PTPRD: variants seen among roughly 807,000 people sequenced by gnomAD.
The protein encoded by PTPRD is protein tyrosine phosphatase receptor type D.
PTPRD carries 34 observed loss-of-function variants against 214.5 expected under a neutral mutation model. The observed-to-expected ratio is 0.16, with a 90% CI of 0.12 to 0.21. The LOEUF is 0.21. Ranked by LOEUF, PTPRD falls within the 10% of genes least tolerant of loss-of-function variation. The probability of loss-of-function intolerance (pLI) is 1.00; values close to 1 mark genes in which losing one functional copy is unlikely to be tolerated. For missense variants in PTPRD, 2,545 were observed against 2,398.7 expected (o/e 1.06, Z -1.27); for synonymous variants, 1,128 against 845.7 (o/e 1.33, Z -5.79).
intron 7 of PTPRD, among the ~76,000 whole-genome samples, chr9:9,598,411 T>C (rs1039892659): frequency 2.6e-5 from 4 of 152,068 alleles, no homozygotes; most frequent in African/African-American, 7.2e-5. Flanking sequence ...CCTGAGCTCA[T>C]TATTCTTGGA....
At chr9:9,650,257 C>T (rs185418230) in intron 7 of PTPRD, among the ~76,000 whole-genome samples, 2 of 152,304 alleles carry the variant, frequency 1.3e-5, no homozygotes, top group African/African-American at 2.4e-5. Context: ...TTCCTGAGGC[C>T]TCCCCAGCCA....
At chr9:9,065,102 T>C (rs928763182) in intron 10 of PTPRD, among the ~76,000 whole-genome samples, 3 of 152,118 alleles carry the variant, frequency 2.0e-5, no homozygotes, top group Non-Finnish European at 4.4e-5. Context: ...AATATATACA[T>C]TTGACAAAAA....
chr9:9,632,707 G>A (rs1310996805), intron 7 of PTPRD, among the ~76,000 whole-genome samples: 1 of 151,814 alleles, frequency 6.6e-6, no homozygotes, highest in Non-Finnish European at 1.5e-5. Flanking sequence ...CTGACCTCAA[G>A]AATTTTACCA....
chr9:8,737,949 CTCTG>C (rs1417361797), intron 11 of PTPRD, among the ~76,000 whole-genome samples: 1 of 151,744 alleles, frequency 6.6e-6, no homozygotes, highest in Non-Finnish European at 1.5e-5. Flanking sequence ...GCACCCGGCT[CTCTG>C]TCTTTCATCA....
chr9:9,427,369 A>G (rs1239520937), intron 8 of PTPRD, among the ~76,000 whole-genome samples: 1 of 152,238 alleles, frequency 6.6e-6, no homozygotes, highest in Non-Finnish European at 1.5e-5. Context: ...GAGAAAAAAG[A>G]GTAAAAAGAA....
intron 21 of PTPRD, among the ~76,000 whole-genome samples, chr9:8,514,659 G>A (rs755283448): frequency 9.2e-5 from 14 of 151,988 alleles, no homozygotes; most frequent in Admixed American, 4.6e-4. Flanking sequence ...AAACAATTGC[G>A]TTTTTCTCTC....
intron 17 of PTPRD, among the ~76,000 whole-genome samples, chr9:8,525,729 C>T (rs1197346575): frequency 6.6e-6 from 1 of 151,966 alleles, no homozygotes; most frequent in Non-Finnish European, 1.5e-5. Context: ...CAAGGAAGAG[C>T]CAACCAACCA....
intron 11 of PTPRD, chr9:8,796,985 A>T (rs2096447010): frequency 6.6e-6 from 1 of 152,038 alleles, no homozygotes; most frequent in African/African-American, 2.4e-5. Context: ...AATTTTCTGT[A>T]ATCTCTTAGC....
At chr9:9,571,062 G>C (rs1013542528) in intron 8 of PTPRD, among the ~76,000 whole-genome samples, 2 of 151,368 alleles carry the variant, frequency 1.3e-5, no homozygotes, top group Admixed American at 6.6e-5. Context: ...TAAGGACCCA[G>C]AGATGAAAAA....
intron 10 of PTPRD, among the ~76,000 whole-genome samples, chr9:9,105,504 A>T (rs917202623): frequency 3.3e-5 from 5 of 152,194 alleles, no homozygotes; most frequent in African/African-American, 1.2e-4. Flanking sequence ...TCTGAAGTAA[A>T]AACACAACTA....
intron 11 of PTPRD, among the ~76,000 whole-genome samples, chr9:8,948,906 G>T (rs1165499217): frequency 6.6e-6 from 1 of 151,670 alleles, no homozygotes. Flanking sequence ...TTTTTTCTCA[G>T]TCTGAACACG....
intron 11 of PTPRD, among the ~76,000 whole-genome samples, chr9:8,833,422 T>A (rs180903422): frequency 6.6e-6 from 1 of 152,208 alleles, no homozygotes; most frequent in African/African-American, 2.4e-5. Context: ...AATGGTAACA[T>A]TTAATTATCT....
chr9:9,962,588 C>G (rs562507537), intron 4 of PTPRD, among the ~76,000 whole-genome samples: 2 of 152,138 alleles, frequency 1.3e-5, no homozygotes, highest in South Asian at 4.2e-4. Flanking sequence ...TTTTTTTCTA[C>G]AACTGCCAAC....
At chr9:9,794,151 A>G (rs1286642403) in intron 5 of PTPRD, among the ~76,000 whole-genome samples, 2 of 92,840 alleles carry the variant, frequency 2.2e-5, no homozygotes, top group East Asian at 4.8e-4. Context: ...GAATGTATAT[A>G]TGTACATGTA....
chr9:9,085,975 T>A, intron 10 of PTPRD, among the ~76,000 whole-genome samples: 1 of 152,138 alleles, frequency 6.6e-6, no homozygotes, highest in African/African-American at 2.4e-5. Context: ...GTGAAAACAT[T>A]TTGGGCTAGC....
rs138833992 is a variant in PTPRD, at chr9:9,136,913, G to C, written c.-143+46391C>G. On this transcript the variant is annotated intron_variant, in intron 10 of 45. Transcript: ENST00000381196. The stretch of plus-strand genomic sequence containing the variant: ...TATTTGGGATTGCCTTCAACTGGTA[G>C]GGGATTTACTCTGTGCCTGGCTTGC... Among the ~76,000 whole-genome samples, 847 of 152,270 alleles carry C rather than the reference G, an allele frequency of 5.6e-3. 9 individuals carry two copies. Among genetic ancestry groups the C allele is most frequent in the African/African-American group, 0.018 (765 of 41,568 alleles).
At chr9:9,911,859 A>C (rs187460149) in intron 5 of PTPRD, among the ~76,000 whole-genome samples, 9 of 152,264 alleles carry the variant, frequency 5.9e-5, no homozygotes, top group African/African-American at 2.2e-4. Context: ...CCACATTTGG[A>C]AAACTAAATC....
intron 7 of PTPRD, among the ~76,000 whole-genome samples, chr9:9,697,223 A>ACAG (rs2097395035): frequency 6.6e-6 from 1 of 152,110 alleles, no homozygotes; most frequent in South Asian, 2.1e-4. Flanking sequence ...AATCACAATT[A>ACAG]CAGTGTTAGA....
chr9:8,466,398 C>T lies in PTPRD; in HGVS notation c.3505-723G>A, dbSNP rs574016591. Among the ~76,000 whole-genome samples the T allele has an allele frequency of 1.1e-4, 16 of 152,008 alleles. No homozygotes were observed. The East Asian group carries it at 3.1e-3, about 30-fold the overall frequency. ...AGGTAGATGAAAATTAATTTTAGTACTGCCCTGAAGAAAACACACATGCAC... is the reference window on the plus strand; with the variant it reads ...AGGTAGATGAAAATTAATTTTAGTATTGCCCTGAAGAAAACACACATGCAC... On this transcript the variant is annotated intron_variant, in intron 31 of 45. Coordinates refer to ENST00000381196, the MANE Select transcript of PTPRD (RefSeq NM_002839.4).
Sources: allele counts gnomAD v4.1 joint callset (sites outside exome capture counted in the v4.1 genomes callset), GRCh38; gene constraint gnomAD v4.1.1; transcripts MANE v1.5; gene names NCBI Gene and HGNC (gene_info 2026-07-23, HGNC 2026-07-21).